The following PLCG2 variants were observed in gnomAD, a reference collection of about 807,000 sequenced individuals.
The protein encoded by PLCG2 is 1-phosphatidylinositol 4,5-bisphosphate phosphodiesterase gamma-2.
Under a neutral mutation model 175.6 loss-of-function variants are expected in PLCG2, and 69 were observed. That is an observed-to-expected ratio of 0.39 (90% confidence interval 0.32 to 0.48). The LOEUF (loss-of-function observed/expected upper bound fraction) is 0.48. PLCG2 is among the 20% of genes least tolerant of loss of function. The pLI is 0.91. For synonymous variants in PLCG2, 827 were observed against 624.0 expected (o/e 1.33, Z -4.85); for missense variants, 1,798 against 1,650.9 (o/e 1.09, Z -1.54).
chr16:81,785,321 G>A (rs1396251671), intron 1 of PLCG2, among the ~76,000 whole-genome samples: 1 of 152,062 alleles, frequency 6.6e-6, no homozygotes, highest in Non-Finnish European at 1.5e-5. Context: ...GGCACAGAGA[G>A]GTCAAGCAGT....
At chr16:81,897,183 C>T (rs1253113216) in intron 13 of PLCG2, among the ~76,000 whole-genome samples, 1 of 152,246 alleles carries the variant, frequency 6.6e-6, no homozygotes, top group Non-Finnish European at 1.5e-5. Flanking sequence ...CATATGCCGA[C>T]TCCTGGTTTG....
chr16:81,932,685 T>C lies in PLCG2; in HGVS notation c.2739+1031T>C, dbSNP rs1434376198. On this transcript the variant is annotated intron_variant, in intron 25 of 32. Coordinates refer to ENST00000564138, the MANE Select transcript of PLCG2 (RefSeq NM_002661.5). Reference sequence around the variant, plus strand: ...GAGGATCCTTGACTCACTCAACTCTTCTGCAGGGAAGTGTCCTCTTTAGGA... The same window carrying C: ...GAGGATCCTTGACTCACTCAACTCTCCTGCAGGGAAGTGTCCTCTTTAGGA... Among the ~76,000 whole-genome samples, 10 of 152,318 alleles carry C rather than the reference T, an allele frequency of 6.6e-5. No homozygotes were observed. In the East Asian group the frequency reaches 1.9e-3, roughly 29 times the overall value.
At chr16:81,929,228 T>C (rs114484047) in intron 24 of PLCG2, among the ~76,000 whole-genome samples, 3,946 of 152,164 alleles carry the variant, frequency 0.026, 96 homozygotes, top group African/African-American at 0.068. Flanking sequence ...TTGAAGTGGG[T>C]GTGGTGCAGC....
chr16:81,788,179 C>T (rs181465880), intron 2 of PLCG2, among the ~76,000 whole-genome samples: 1 of 152,088 alleles, frequency 6.6e-6, no homozygotes, highest in African/African-American at 2.4e-5. Flanking sequence ...TATATTCCTT[C>T]CAGTGGTAGA....
Position 81,891,526 on chromosome 16 carries a change from G to A in PLCG2, c.922G>A (p.Ala308Thr), listed in dbSNP as rs1382212475. Residue 308 changes from alanine to threonine, a missense_variant, in exon 11 of 33, where the codon GCG becomes ACG. By Grantham distance (58) the Ala-to-Thr change is moderately conservative. Coordinates refer to ENST00000564138, the MANE Select transcript of PLCG2 (RefSeq NM_002661.5). ...ENSIWDEKYDAVDMQDMNNPL... is the reference protein window; with the variant it reads ...ENSIWDEKYDTVDMQDMNNPL... ...CAGCATCTGGGATGAGAAGTATGAC[G>A]CGGTGGACATGCAGGACATGAACAA... 15 of 1,612,548 alleles carry A rather than the reference G, an allele frequency of 9.3e-6. No individual in the cohort carries two copies. The highest frequency in any genetic ancestry group is 3.3e-5 in the Admixed American group (2 of 60,006).
chr16:81,939,966 G>A lies in PLCG2; in HGVS notation c.3388G>A (p.Ala1130Thr), dbSNP rs1003946385. Residue 1130 changes from alanine (A) to threonine (T), a missense_variant, in exon 30 of 33, where the codon GCA becomes ACA. Coordinates refer to ENST00000564138, the MANE Select transcript of PLCG2 (RefSeq NM_002661.5). The stretch of plus-strand genomic sequence containing the variant: ...ATTTGAAATTTATGACCCAAACCTG[G>A]CATTTCTGCGCTTTGTGGTTTATGA... ...VTFEIYDPNLAFLRFVVYEED... is the reference protein window; with the variant it reads ...VTFEIYDPNLTFLRFVVYEED... The A allele has an allele frequency of 1.9e-6, 3 of 1,613,798 alleles. No homozygotes were observed. In the African/African-American group the frequency reaches 4.0e-5, roughly 22 times the overall value.
chr16:81,765,996 G>T (rs1386317463), intron 2 of PLCG2, among the ~76,000 whole-genome samples: 1 of 152,206 alleles, frequency 6.6e-6, no homozygotes, highest in Non-Finnish European at 1.5e-5. Flanking sequence ...ATGTGTGTTT[G>T]CTTGCTTGGG....
chr16:81,931,156 A>G (rs1910486968), intron 24 of PLCG2: 1 of 168,468 alleles, frequency 5.9e-6, no homozygotes, highest in Non-Finnish European at 1.3e-5. Flanking sequence ...TTATAAGGAT[A>G]CTCATACTTG....
chr16:81,808,186 C>T (rs936146677), intron 2 of PLCG2, among the ~76,000 whole-genome samples: 2 of 152,200 alleles, frequency 1.3e-5, no homozygotes, highest in South Asian at 2.1e-4. Flanking sequence ...ATGCAGTAAC[C>T]ATTCATTTAA....
intron 6 of PLCG2, among the ~76,000 whole-genome samples, chr16:81,869,710 T>A (rs4889421): frequency 0.45 from 68,234 of 152,084 alleles, 16,430 homozygotes; most frequent in Non-Finnish European, 0.53. Flanking sequence ...CCTGGTAGTG[T>A]AGCTGTCAGA....
chr16:81,852,765 G>A (rs1906482635), intron 2 of PLCG2, among the ~76,000 whole-genome samples: 1 of 152,196 alleles, frequency 6.6e-6, no homozygotes, highest in Non-Finnish European at 1.5e-5. Context: ...CATGGGTGGG[G>A]ACTGGGAGAG....
chr16:81,751,468 C>T (rs754367625), intron 1 of PLCG2, among the ~76,000 whole-genome samples: 7 of 152,016 alleles, frequency 4.6e-5, no homozygotes, highest in Admixed American at 2.6e-4. Flanking sequence ...TACAGAGGCT[C>T]GAGGACGGGA....
chr16:81,927,623 CTT>C (rs1258815088), intron 23 of PLCG2, among the ~76,000 whole-genome samples: 2 of 152,146 alleles, frequency 1.3e-5, no homozygotes, highest in African/African-American at 4.8e-5. Context: ...CTCGCCGCCT[CTT>C]GTTTAGAGAG....
intron 2 of PLCG2, among the ~76,000 whole-genome samples, chr16:81,812,276 C>T (rs536896616): frequency 2.4e-4 from 36 of 152,094 alleles, no homozygotes; most frequent in Non-Finnish European, 4.0e-4. Context: ...GTCTTGATCT[C>T]CTGACCTCGT....
chr16:81,857,092 A>T (rs909424506), intron 3 of PLCG2, among the ~76,000 whole-genome samples: 7 of 135,476 alleles, frequency 5.2e-5, no homozygotes, highest in African/African-American at 1.8e-4. Flanking sequence ...ACTTTAAGTC[A>T]CTAAGTTTGT....
chr16:81,956,543 G>C, intron 31 of PLCG2, 152 bp from the exon 32 acceptor site: 1 of 556,504 alleles, frequency 1.8e-6, no homozygotes, highest in Non-Finnish European at 3.2e-6. Flanking sequence ...ATCTTTCTTT[G>C]GTTAAAATAG....
intron 2 of PLCG2, among the ~76,000 whole-genome samples, chr16:81,803,854 G>A (rs1911872315): frequency 6.6e-6 from 1 of 151,968 alleles, no homozygotes; most frequent in Non-Finnish European, 1.5e-5. Context: ...GCTAAGTTTT[G>A]TATTTTTAAT....
At chr16:81,817,270 TC>T (rs1904594278) in intron 2 of PLCG2, among the ~76,000 whole-genome samples, 1 of 152,120 alleles carries the variant, frequency 6.6e-6, no homozygotes, top group Non-Finnish European at 1.5e-5. Context: ...TATGCATCCA[TC>T]CCCCATGTAT....
intron 1 of PLCG2, chr16:81,783,037 A>G (rs928281784): frequency 3.2e-5 from 14 of 443,076 alleles, no homozygotes; most frequent in African/African-American, 2.9e-4. Context: ...GCTGGAAGTA[A>G]CTGGGACCCT....
Sources: allele counts gnomAD v4.1 joint callset (sites outside exome capture counted in the v4.1 genomes callset), GRCh38; gene constraint gnomAD v4.1.1; transcripts MANE v1.5; gene names NCBI Gene and HGNC (gene_info 2026-07-23, HGNC 2026-07-21).